The following ZNF423 variants were observed in gnomAD, a reference collection of about 807,000 sequenced individuals.
ZNF423 encodes the protein Ebf-associated zinc finger protein.
Under a neutral mutation model 95.8 loss-of-function variants are expected in ZNF423, and 12 were observed. The observed-to-expected ratio is 0.13, with a 90% CI of 0.08 to 0.20. The LOEUF is 0.20. Ranked by LOEUF, ZNF423 falls within the 10% of genes least tolerant of loss-of-function variation. The pLI is 1.00. For synonymous variants in ZNF423, 749 were observed against 711.9 expected (o/e 1.05, Z -0.83); for missense variants, 1,316 against 1,737.1 (o/e 0.76, Z 4.31).
intron 1 of ZNF423, among the ~76,000 whole-genome samples, chr16:49,844,204 C>A (rs1033488487): frequency 6.6e-6 from 1 of 151,906 alleles, no homozygotes; most frequent in African/African-American, 2.4e-5. Context: ...ATAGCTTGAG[C>A]CCAGGAGTTT....
chr16:49,821,597 G>A (rs1418885212), intron 1 of ZNF423, among the ~76,000 whole-genome samples: 3 of 152,186 alleles, frequency 2.0e-5, no homozygotes, highest in Non-Finnish European at 4.4e-5. Flanking sequence ...GCCTTCAGGG[G>A]TGGCAAAGCA....
intron 3 of ZNF423, among the ~76,000 whole-genome samples, chr16:49,674,137 A>C (rs1000740973): frequency 6.6e-6 from 1 of 152,228 alleles, no homozygotes; most frequent in African/African-American, 2.4e-5. Flanking sequence ...AGATAACACA[A>C]GAGTTCTAGC....
intron 1 of ZNF423, among the ~76,000 whole-genome samples, chr16:49,793,084 G>A (rs1481353881): frequency 6.6e-6 from 1 of 152,066 alleles, no homozygotes; most frequent in Non-Finnish European, 1.5e-5. Context: ...CATTCTTGAT[G>A]AGAAAGAGTC....
chr16:49,596,702 G>A (rs890635445), intron 5 of ZNF423, among the ~76,000 whole-genome samples: 28 of 152,316 alleles, frequency 1.8e-4, no homozygotes, highest in African/African-American at 6.3e-4. Flanking sequence ...CATCCCCACA[G>A]CCCTGGCTTT....
At chr16:49,660,614 C>T (rs535830841) in intron 3 of ZNF423, among the ~76,000 whole-genome samples, 18 of 152,276 alleles carry the variant, frequency 1.2e-4, no homozygotes, top group Admixed American at 3.3e-4. Context: ...CCTCGGGCCC[C>T]CTCTCATTAT....
intron 1 of ZNF423, chr16:49,854,350 CAGG>C (rs1400060804): frequency 4.1e-6 from 4 of 985,314 alleles, no homozygotes; most frequent in Non-Finnish European, 4.8e-6. Context: ...CCGGGGACTT[CAGG>C]AGGACAGAAC....
Position 49,591,979 on chromosome 16 carries a change from G to C in ZNF423, c.3601+34191C>G, listed in dbSNP as rs1971023357. ...ATGATGTAGTGCTTACCTGGGTTTG[G>C]TCTGGGAAAATTCAGCAAGCTATCT... On this transcript the variant is annotated intron_variant, in intron 5 of 7. Transcript: ENST00000563137. Among the ~76,000 whole-genome samples, 10 of 152,338 alleles carry C rather than the reference G, an allele frequency of 6.6e-5. 2 individuals carry two copies. In the South Asian group the frequency reaches 2.1e-3, roughly 32 times the overall value.
intron 5 of ZNF423, among the ~76,000 whole-genome samples, chr16:49,607,134 C>A (rs191140576): frequency 2.7e-5 from 4 of 147,954 alleles, no homozygotes; most frequent in African/African-American, 1.0e-4. Flanking sequence ...TTCATTCACA[C>A]AGGTGACTAC....
chr16:49,856,766 C>T (rs902818843), upstream of ZNF423, among the ~76,000 whole-genome samples: 2 of 147,906 alleles, frequency 1.4e-5, no homozygotes, highest in Non-Finnish European at 3.0e-5. Context: ...CGGGCCGCCG[C>T]TGCCTGCCCT....
At chr16:49,689,962 T>C (rs991307662) in intron 3 of ZNF423, among the ~76,000 whole-genome samples, 1 of 152,166 alleles carries the variant, frequency 6.6e-6, no homozygotes, top group Non-Finnish European at 1.5e-5. Context: ...CTGAGGATGG[T>C]AGCCTGGACT....
At chr16:49,738,193 C>G (rs566334749) in intron 2 of ZNF423, among the ~76,000 whole-genome samples, 2 of 152,330 alleles carry the variant, frequency 1.3e-5, no homozygotes, top group South Asian at 4.1e-4. Context: ...CGGGGTGCTC[C>G]CCAACCCCAT....
chr16:49,559,615 T>C (rs746158), intron 5 of ZNF423, among the ~76,000 whole-genome samples: 74,785 of 152,072 alleles, frequency 0.49, 18,687 homozygotes, highest in East Asian at 0.75. Flanking sequence ...GAAGAGTTGA[T>C]GACAACATGT....
intron 1 of ZNF423, among the ~76,000 whole-genome samples, chr16:49,796,047 G>C (rs1305256402): frequency 6.6e-6 from 1 of 152,114 alleles, no homozygotes; most frequent in Non-Finnish European, 1.5e-5. Flanking sequence ...GGATTCTGGG[G>C]CTCTGCCAGG....
At chr16:49,608,134 C>T (rs1434626505) in intron 5 of ZNF423, among the ~76,000 whole-genome samples, 1 of 152,172 alleles carries the variant, frequency 6.6e-6, no homozygotes, top group African/African-American at 2.4e-5. Flanking sequence ...AGGTGGGACC[C>T]CACCCCAGCC....
At chr16:49,674,575 C>G (rs535637760) in intron 3 of ZNF423, among the ~76,000 whole-genome samples, 2 of 152,286 alleles carry the variant, frequency 1.3e-5, no homozygotes, top group South Asian at 4.1e-4. Context: ...CACCACCAGG[C>G]GGAACAGAGA....
Position 49,638,108 on chromosome 16 carries a change from G to C in ZNF423, c.1068C>G (p.Pro356=), listed in dbSNP as rs765544201. ...VYCHLDSHRQ[P]DSSNHSVSPD... is the part of the protein sequence containing the mutation. ...GACTGACACTGTGGTTGCTGGAGTC[G>C]GGCTGCCGGTGGCTGTCCAGGTGGC... The change falls in exon 4 of 8, where the codon CCC becomes CCG. Residue 356 remains proline (P), a synonymous_variant. Coordinates refer to ENST00000563137, the MANE Select transcript of ZNF423 (RefSeq NM_001379286.1). The surrounding 1 kb of genome is among the most constrained non-coding windows in gnomAD (Gnocchi z 5.6). 1 of 1,613,394 alleles carries C rather than the reference G, an allele frequency of 6.2e-7. No homozygotes were observed. The highest frequency in any genetic ancestry group is 1.1e-5 in the South Asian group (1 of 91,068).
At chr16:49,712,114 C>T (rs866521438) in intron 3 of ZNF423, among the ~76,000 whole-genome samples, 2 of 151,976 alleles carry the variant, frequency 1.3e-5, no homozygotes, top group East Asian at 1.9e-4. Flanking sequence ...GAGACCCTGT[C>T]GCTATTTAAA....
chr16:49,791,485 G>A (rs1016971921), intron 1 of ZNF423, among the ~76,000 whole-genome samples: 16 of 152,050 alleles, frequency 1.1e-4, no homozygotes, highest in African/African-American at 3.6e-4. Flanking sequence ...TTACTTACAC[G>A]CACACATGTA....
At chr16:49,715,943 G>A (rs750991694) in intron 3 of ZNF423, among the ~76,000 whole-genome samples, 3 of 152,046 alleles carry the variant, frequency 2.0e-5, no homozygotes, top group Non-Finnish European at 4.4e-5. Flanking sequence ...AGCTACTCGG[G>A]AGGCTGAGGT....
Sources: allele counts gnomAD v4.1 joint callset (sites outside exome capture counted in the v4.1 genomes callset), GRCh38; gene constraint gnomAD v4.1.1; non-coding constraint Gnocchi (gnomAD v3.1); transcripts MANE v1.5; gene names NCBI Gene and HGNC (gene_info 2026-07-23, HGNC 2026-07-21).